Variants in MDGA2 observed in about 807,000 individuals in gnomAD.
MDGA2 encodes MAM domain containing glycosylphosphatidylinositol anchor 2.
MDGA2 carries 40 observed loss-of-function variants against 117.8 expected under a neutral mutation model. The ratio of observed to expected loss-of-function variants is 0.34; its 90% CI spans 0.26 to 0.44. MDGA2 has a LOEUF of 0.44. Ranked by LOEUF, MDGA2 falls within the 20% of genes least tolerant of loss-of-function variation. The pLI is 1.00. For synonymous variants in MDGA2, 452 were observed against 439.0 expected (o/e 1.03, Z -0.37); for missense variants, 1,123 against 1,250.6 (o/e 0.90, Z 1.54).
intron 9 of MDGA2, among the ~76,000 whole-genome samples, chr14:46,922,982 G>C (rs977697842): frequency 6.6e-6 from 1 of 152,182 alleles, no homozygotes; most frequent in Non-Finnish European, 1.5e-5. Flanking sequence ...AGGATAACTG[G>C]CTGCATGCCA....
chr14:47,128,025 G>C (rs1463790966), intron 5 of MDGA2, among the ~76,000 whole-genome samples: 3 of 152,084 alleles, frequency 2.0e-5, no homozygotes, highest in African/African-American at 7.2e-5. Flanking sequence ...TCAAACACTG[G>C]AGTCAATCTA....
chr14:47,146,700 G>A (rs1217392577), intron 3 of MDGA2, among the ~76,000 whole-genome samples: 3 of 152,108 alleles, frequency 2.0e-5, no homozygotes, highest in Non-Finnish European at 4.4e-5. Flanking sequence ...AGCTGTATGT[G>A]TTGTAAAAAT....
rs1406717156 is a variant in MDGA2 at position 46,944,093 on chromosome 14, G to T, written c.2089+13281C>A. On this transcript the variant is annotated intron_variant, in intron 9 of 16. Coordinates refer to ENST00000399232, the MANE Select transcript of MDGA2 (RefSeq NM_001113498.3). ...TCTTCATTTATTTTTATAGATCCTGGTCTTCACTGATAGCCTTTCCCTTAA... is the reference window on the plus strand; with the variant it reads ...TCTTCATTTATTTTTATAGATCCTGTTCTTCACTGATAGCCTTTCCCTTAA... Among the ~76,000 whole-genome samples the T allele has an allele frequency of 2.0e-5, 3 of 151,836 alleles. No individual in the cohort carries two copies. In the South Asian group the frequency reaches 6.2e-4, roughly 32 times the overall value.
intron 1 of MDGA2, among the ~76,000 whole-genome samples, chr14:47,370,286 G>A (rs1387531907): frequency 1.5e-5 from 2 of 135,664 alleles, no homozygotes; most frequent in East Asian, 2.2e-4. Flanking sequence ...AACTTACTGT[G>A]TACTGCAGAA....
intron 1 of MDGA2, among the ~76,000 whole-genome samples, chr14:47,369,424 G>A (rs1891297859): frequency 6.6e-6 from 1 of 152,084 alleles, no homozygotes; most frequent in Non-Finnish European, 1.5e-5. Flanking sequence ...AGAAAGAATA[G>A]TTTTTAAGAT....
intron 1 of MDGA2, among the ~76,000 whole-genome samples, chr14:47,392,789 G>A (rs941013736): frequency 6.6e-6 from 1 of 152,032 alleles, no homozygotes; most frequent in African/African-American, 2.4e-5. Flanking sequence ...AAAAATATCT[G>A]TTGAATGAGA....
chr14:47,342,048 A>G (rs1235185228), intron 1 of MDGA2, among the ~76,000 whole-genome samples: 1 of 151,764 alleles, frequency 6.6e-6, no homozygotes, highest in Non-Finnish European at 1.5e-5. Flanking sequence ...AGACAGGTGC[A>G]CCATATTGGC....
intron 1 of MDGA2, among the ~76,000 whole-genome samples, chr14:47,576,781 A>G (rs560741951): frequency 2.6e-5 from 4 of 152,138 alleles, no homozygotes; most frequent in Non-Finnish European, 5.9e-5. Context: ...GTGCCTTAGG[A>G]GGCAGATTCT....
chr14:47,603,948 T>A (rs1594939399), intron 1 of MDGA2, among the ~76,000 whole-genome samples: 1 of 152,274 alleles, frequency 6.6e-6, no homozygotes, highest in East Asian at 1.9e-4. Flanking sequence ...AAGTGCCTGC[T>A]CCCTCTTCAC....
intron 3 of MDGA2, among the ~76,000 whole-genome samples, chr14:47,216,656 A>G (rs17118176): frequency 0.077 from 11,738 of 152,150 alleles, 487 homozygotes; most frequent in African/African-American, 0.12. Context: ...AAATTTCATG[A>G]CCTAAACTAC....
intron 1 of MDGA2, among the ~76,000 whole-genome samples, chr14:47,453,219 T>A (rs1349368295): frequency 6.6e-6 from 1 of 152,056 alleles, no homozygotes; most frequent in East Asian, 1.9e-4. Flanking sequence ...TCAAGTATGA[T>A]CAACTGATGA....
At chr14:47,220,502 A>C (rs934963245) in intron 2 of MDGA2, among the ~76,000 whole-genome samples, 1 of 152,208 alleles carries the variant, frequency 6.6e-6, no homozygotes, top group African/African-American at 2.4e-5. Flanking sequence ...TGTTTTGCAC[A>C]GTTTTGGTAG....
intron 1 of MDGA2, among the ~76,000 whole-genome samples, chr14:47,302,614 T>C (rs1336595581): frequency 1.3e-5 from 2 of 152,126 alleles, no homozygotes; most frequent in African/African-American, 4.8e-5. Context: ...GAATGTTTTA[T>C]CTAACATTAA....
chr14:47,202,146 C>G (rs1885530021), intron 3 of MDGA2, among the ~76,000 whole-genome samples: 1 of 152,092 alleles, frequency 6.6e-6, no homozygotes, highest in South Asian at 2.1e-4. Context: ...CATTTTAAAC[C>G]TTTCTATAGT....
chr14:47,102,637 G>A (rs1359450375), intron 5 of MDGA2, among the ~76,000 whole-genome samples: 1 of 152,124 alleles, frequency 6.6e-6, no homozygotes, highest in East Asian at 1.9e-4. Flanking sequence ...TTGGCTCCCA[G>A]CTGCTAGGAA....
chr14:47,387,103 G>A (rs1323895974), intron 1 of MDGA2, among the ~76,000 whole-genome samples: 3 of 152,132 alleles, frequency 2.0e-5, no homozygotes, highest in Non-Finnish European at 2.9e-5. Flanking sequence ...GGTATGACTC[G>A]TGTTTCTGAT....
intron 5 of MDGA2, among the ~76,000 whole-genome samples, chr14:47,121,056 TTCA>T (rs1282973838): frequency 6.6e-6 from 1 of 152,136 alleles, no homozygotes; most frequent in Non-Finnish European, 1.5e-5. Flanking sequence ...AAAAATGTAT[TTCA>T]TCATATCAGA....
At chr14:47,129,452 T>C (rs1159253183) in intron 5 of MDGA2, among the ~76,000 whole-genome samples, 8 of 151,916 alleles carry the variant, frequency 5.3e-5, no homozygotes, top group Non-Finnish European at 1.0e-4. Flanking sequence ...TAGTATTCCA[T>C]GGTGTATATG....
rs556452728 is a variant in MDGA2 at position 47,496,711 on chromosome 14, G to A, written c.280+177806C>T. ...AATTAATTATAATATATATATTACT[G>A]AGCATACATATATGTTACTATAATA... On this transcript the variant is annotated intron_variant, in intron 1 of 16. Transcript: ENST00000399232. Among the ~76,000 whole-genome samples, 22 of 150,592 alleles carry A rather than the reference G, an allele frequency of 1.5e-4. No individual in the cohort carries two copies. In the South Asian group the frequency reaches 4.6e-3, roughly 32 times the overall value.
Sources: allele counts gnomAD v4.1 joint callset (sites outside exome capture counted in the v4.1 genomes callset), GRCh38; gene constraint gnomAD v4.1.1; transcripts MANE v1.5; gene names NCBI Gene and HGNC (gene_info 2026-07-23, HGNC 2026-07-21).